Variants in NUTF2 observed in about 807,000 individuals in gnomAD.
NUTF2 encodes the protein placental protein 15.
NUTF2 carries 3 observed loss-of-function variants against 18.5 expected under a neutral mutation model. The observed-to-expected ratio is 0.16, with a 90% CI of 0.07 to 0.42. The LOEUF (loss-of-function observed/expected upper bound fraction) is 0.42, where lower values mean the gene tolerates loss of function less well. Among genes scored for constraint, NUTF2 ranks in the 10% least tolerant of loss-of-function variants. The pLI is 0.99. For missense variants in NUTF2, 44 were observed against 160.7 expected (o/e 0.27, Z 3.93); for synonymous variants, 51 against 57.9 (o/e 0.88, Z 0.54).
intron 1 of NUTF2, among the ~76,000 whole-genome samples, chr16:67,860,237 C>T (rs2057926492): frequency 6.6e-6 from 1 of 152,170 alleles, no homozygotes; most frequent in African/African-American, 2.4e-5. Context: ...CCTTGGCCTC[C>T]CAAAGTGCTG....
At chr16:67,859,771 C>T (rs2057922383) in intron 1 of NUTF2, among the ~76,000 whole-genome samples, 1 of 142,298 alleles carries the variant, frequency 7.0e-6, no homozygotes, top group African/African-American at 2.6e-5. Flanking sequence ...GTTGAAATTA[C>T]AGGCGTGAGC....
intron 1 of NUTF2, among the ~76,000 whole-genome samples, chr16:67,858,818 G>A (rs540132970): frequency 6.6e-6 from 1 of 151,894 alleles, no homozygotes; most frequent in African/African-American, 2.4e-5. Context: ...CTTCCAGAAG[G>A]ACTGACACCC....
At chr16:67,855,889 G>GC (rs1555495568) in intron 1 of NUTF2, 66 of 385,258 alleles carry the variant, frequency 1.7e-4, no homozygotes, top group South Asian at 2.8e-4. Flanking sequence ...TTTTTTGGCG[G>GC]GGGGGGGGGA....
intron 1 of NUTF2, among the ~76,000 whole-genome samples, chr16:67,848,657 G>C (rs1355291226): frequency 6.6e-6 from 1 of 151,760 alleles, no homozygotes; most frequent in Non-Finnish European, 1.5e-5. Flanking sequence ...CAGGAGAATC[G>C]CTTGAATCCG....
At position 67,860,136 on chromosome 16, in the gene NUTF2, C is replaced by T. The variant is rs1303253830; in HGVS notation, c.-29-4966C>T. Among the ~76,000 whole-genome samples, 8 of 152,098 alleles carry T rather than the reference C, an allele frequency of 5.3e-5. No individual in the cohort carries two copies. In the East Asian group the frequency reaches 5.8e-4, roughly 11 times the overall value. ...CTGGGACTACAGGTGTCTGCCACCA[C>T]GCCCAGCTAATTTTTTGTATTTTTA... On this transcript the variant is annotated intron_variant, in intron 1 of 4. Transcript: ENST00000219169.
At chr16:67,868,846 T>C (rs1394505148) in intron 4 of NUTF2, 4 of 370,362 alleles carry the variant, frequency 1.1e-5, no homozygotes, top group Non-Finnish European at 2.0e-5. Context: ...TTTGTGACTG[T>C]AGAAAGTCCT....
At chr16:67,847,313 C>T (rs2057811256) in intron 1 of NUTF2, 1 of 152,412 alleles carries the variant, frequency 6.6e-6, no homozygotes, top group Non-Finnish European at 1.5e-5. Context: ...GGGCCCCGCC[C>T]CGTCTAGCCT....
chr16:67,850,733 G>C (rs1414070562), intron 1 of NUTF2, among the ~76,000 whole-genome samples: 10 of 152,132 alleles, frequency 6.6e-5, no homozygotes, highest in Admixed American at 5.9e-4. Flanking sequence ...GGATGAGGCA[G>C]GATACAAGAT....
At chr16:67,864,969 G>T in intron 1 of NUTF2, 133 bp from the exon 2 acceptor site, 1 of 586,730 alleles carries the variant, frequency 1.7e-6, no homozygotes, top group Non-Finnish European at 3.1e-6. Context: ...GTTCCCCAGG[G>T]CCTGTCCGTG....
intron 1 of NUTF2, among the ~76,000 whole-genome samples, chr16:67,849,082 G>A (rs1299580570): frequency 6.6e-6 from 1 of 152,126 alleles, no homozygotes; most frequent in East Asian, 1.9e-4. Context: ...AACTTTCCTA[G>A]TCCATATCCT....
At chr16:67,868,313 C>T in intron 2 of NUTF2, 27 bp from the exon 3 acceptor site, 1 of 1,610,802 alleles carries the variant, frequency 6.2e-7, no homozygotes, top group Non-Finnish European at 8.5e-7. Context: ...GAGGCCCCAA[C>T]CCTGGGGTTT....
chr16:67,853,172 G>A (rs2057872792), intron 1 of NUTF2, among the ~76,000 whole-genome samples: 1 of 152,124 alleles, frequency 6.6e-6, no homozygotes, highest in African/African-American at 2.4e-5. Context: ...TACTTGGGAG[G>A]TGAGGCAAGA....
intron 2 of NUTF2, 72 bp from the exon 3 acceptor site, chr16:67,868,268 G>C (rs896143010): frequency 1.4e-6 from 2 of 1,410,370 alleles, no homozygotes; most frequent in African/African-American, 2.9e-5. Context: ...GCCCTTTTCA[G>C]AGTCTTTCCA....
At chr16:67,848,764 A>G (rs1375762048) in intron 1 of NUTF2, among the ~76,000 whole-genome samples, 1 of 151,944 alleles carries the variant, frequency 6.6e-6, no homozygotes, top group Non-Finnish European at 1.5e-5. Flanking sequence ...AAAGAAAAAA[A>G]AAAAAAGCAG....
chr16:67,870,733 C>T, intron 4 of NUTF2, 67 bp from the exon 5 acceptor site: 17 of 1,334,100 alleles, frequency 1.3e-5, no homozygotes, highest in Admixed American at 1.0e-4. Flanking sequence ...TTGCCCTCTT[C>T]TCCTACCACT....
chr16:67,861,613 T>C (rs897958518), intron 1 of NUTF2, among the ~76,000 whole-genome samples: 12 of 152,322 alleles, frequency 7.9e-5, no homozygotes, highest in Middle Eastern at 6.8e-3. Context: ...CAGAGTCTTT[T>C]CTGCTCCTCA....
intron 2 of NUTF2, among the ~76,000 whole-genome samples, chr16:67,866,306 GTT>G (rs921901942): frequency 4.5e-5 from 6 of 134,000 alleles, no homozygotes; most frequent in African/African-American, 2.8e-5. Flanking sequence ...TCATAGTAGA[GTT>G]TTTTTTTTTT....
At chr16:67,850,982 G>C (rs1235412399) in intron 1 of NUTF2, among the ~76,000 whole-genome samples, 1 of 150,532 alleles carries the variant, frequency 6.6e-6, no homozygotes, top group African/African-American at 2.5e-5. Flanking sequence ...TGTATTCTTA[G>C]TAGAGATGGG....
chr16:67,859,894 C>T (rs1348110985), intron 1 of NUTF2, among the ~76,000 whole-genome samples: 1 of 149,590 alleles, frequency 6.7e-6, no homozygotes, highest in African/African-American at 2.5e-5. Context: ...CAGCCTCCAC[C>T]TCTCGGGTTC....
Sources: allele counts gnomAD v4.1 joint callset (sites outside exome capture counted in the v4.1 genomes callset), GRCh38; gene constraint gnomAD v4.1.1; transcripts MANE v1.5; gene names NCBI Gene and HGNC (gene_info 2026-07-23, HGNC 2026-07-21).